The following SLC2A9 variants were observed in gnomAD, a reference collection of about 807,000 sequenced individuals.
SLC2A9 encodes solute carrier family 2, facilitated glucose transporter member 9.
In SLC2A9, 39 loss-of-function variants were observed where a neutral mutation model predicts 50.6. The ratio of observed to expected loss-of-function variants is 0.77; its 90% CI spans 0.60 to 1.01. SLC2A9 has a LOEUF of 1.01. Among genes scored for constraint, SLC2A9 ranks in the 50% least tolerant of loss-of-function variants. SLC2A9 has a pLI of 0.00. For missense variants in SLC2A9, 686 were observed against 677.6 expected, an observed-to-expected ratio of 1.01 and a Z score of -0.14; for synonymous variants, 324 against 276.9, an observed-to-expected ratio of 1.17 and a Z score of -1.69.
intron 6 of SLC2A9, among the ~76,000 whole-genome samples, chr4:9,921,380 G>A (rs734553): frequency 6.6e-6 from 1 of 151,946 alleles, no homozygotes. Context: ...ATTAGATCCC[G>A]GAAAGCACAA....
In SLC2A9 at chr4:9,786,110, C is replaced by T. The variant is rs181178156; in HGVS notation, n.386-6045G>A. Among the ~76,000 whole-genome samples, 18 of 152,288 alleles carry T rather than the reference C, an allele frequency of 1.2e-4. No homozygotes were observed. In the East Asian group the frequency reaches 2.5e-3, roughly 21 times the overall value. On this transcript the variant is annotated intron_variant and non_coding_transcript_variant, in intron 3 of 3. Transcript: ENST00000503803. ...TGGCTGGAGGGCTATAAAAGAAGAGCGTCATAGGATTAATGTTAATTGCTG... is the reference window on the plus strand; with the variant it reads ...TGGCTGGAGGGCTATAAAAGAAGAGTGTCATAGGATTAATGTTAATTGCTG...
chr4:9,820,094 T>C (rs1038188764), intron 3 of SLC2A9, among the ~76,000 whole-genome samples: 4 of 152,292 alleles, frequency 2.6e-5, no homozygotes, highest in Admixed American at 6.5e-5. Context: ...TAAGTTTTTT[T>C]CTAAACTTTT....
chr4:9,906,492 T>C (rs1740686360), intron 8 of SLC2A9, among the ~76,000 whole-genome samples: 1 of 152,228 alleles, frequency 6.6e-6, no homozygotes, highest in Non-Finnish European at 1.5e-5. Flanking sequence ...CATAAGATTA[T>C]GTGAACAAAA....
chr4:9,997,044 C>T, intron 2 of SLC2A9, 103 bp from the exon 3 acceptor site: 1 of 1,335,120 alleles, frequency 7.5e-7, no homozygotes, highest in Admixed American at 1.7e-5. Context: ...CATTTTCATG[C>T]ATAGCACTTT....
At chr4:9,794,164 G>A (rs200496396), downstream of SLC2A9, among the ~76,000 whole-genome samples, 62 of 137,208 alleles carry the variant, frequency 4.5e-4, no homozygotes, top group East Asian at 2.0e-4. Flanking sequence ...TTTTGTGTGT[G>A]TGATATGGAG....
chr4:9,811,149 A>C (rs565823332), intron 3 of SLC2A9, among the ~76,000 whole-genome samples: 1 of 152,220 alleles, frequency 6.6e-6, no homozygotes, highest in Non-Finnish European at 1.5e-5. Context: ...AGGGATACAC[A>C]AATGACCTGA....
chr4:9,879,087 T>C, intron 10 of SLC2A9: 7 of 981,274 alleles, frequency 7.1e-6, no homozygotes, highest in Non-Finnish European at 6.0e-6. Flanking sequence ...ATACAGGTGA[T>C]AGAAACAAGG....
chr4:9,787,700 C>T (rs558363454), intron 3 of SLC2A9, among the ~76,000 whole-genome samples: 63 of 152,330 alleles, frequency 4.1e-4, no homozygotes, highest in African/African-American at 1.2e-3. Flanking sequence ...TTTCATGACA[C>T]GGACCTTTGT....
intron 3 of SLC2A9, among the ~76,000 whole-genome samples, chr4:9,812,431 T>A (rs113879685): frequency 4.1e-4 from 62 of 152,226 alleles, no homozygotes; most frequent in African/African-American, 1.4e-3. Flanking sequence ...TCCTGCAGTC[T>A]TGTTGTGAAA....
chr4:9,778,121 C>T (rs143324234), downstream of SLC2A9, among the ~76,000 whole-genome samples: 291 of 147,534 alleles, frequency 2.0e-3, no homozygotes, highest in African/African-American at 6.8e-3. Flanking sequence ...TCCTTCTCCC[C>T]GCCTCCCCCG....
At chr4:10,008,300 G>A (rs779737798) in intron 2 of SLC2A9, among the ~76,000 whole-genome samples, 2 of 152,242 alleles carry the variant, frequency 1.3e-5, no homozygotes, top group Non-Finnish European at 2.9e-5. Flanking sequence ...TGCGGGGGGA[G>A]TTGGCACTCA....
chr4:9,864,242 C>T (rs1272940565), intron 10 of SLC2A9, among the ~76,000 whole-genome samples: 1 of 152,086 alleles, frequency 6.6e-6, no homozygotes, highest in African/African-American at 2.4e-5. Flanking sequence ...ACCCCTGGCA[C>T]ATCCAGTGTG....
chr4:10,004,994 C>G (rs1333711867), intron 2 of SLC2A9, among the ~76,000 whole-genome samples: 1 of 152,178 alleles, frequency 6.6e-6, no homozygotes, highest in Non-Finnish European at 1.5e-5. Flanking sequence ...CAGCCAACAG[C>G]CACGAGGCAC....
chr4:9,945,312 AG>A (rs1165484148), intron 5 of SLC2A9, among the ~76,000 whole-genome samples: 1 of 152,186 alleles, frequency 6.6e-6, no homozygotes, highest in Non-Finnish European at 1.5e-5. Context: ...ACGTATTCCT[AG>A]GGAGGATTTC....
chr4:9,913,381 G>A (rs1742246320), intron 7 of SLC2A9, among the ~76,000 whole-genome samples: 1 of 151,926 alleles, frequency 6.6e-6, no homozygotes, highest in Admixed American at 6.6e-5. Context: ...AACAGATAGA[G>A]AGAGATAAAG....
At chr4:9,832,837 C>T (rs1227988224) in intron 11 of SLC2A9, among the ~76,000 whole-genome samples, 2 of 152,120 alleles carry the variant, frequency 1.3e-5, no homozygotes, top group Non-Finnish European at 2.9e-5. Context: ...ACACAGCAAG[C>T]ATTCAGTGAA....
chr4:9,960,010 C>A (rs1261760667), intron 5 of SLC2A9, among the ~76,000 whole-genome samples: 1 of 152,206 alleles, frequency 6.6e-6, no homozygotes, highest in African/African-American at 2.4e-5. Flanking sequence ...GGAACCAGGG[C>A]TAACTGGGTT....
chr4:9,897,042 T>C (rs1009182490), intron 8 of SLC2A9, among the ~76,000 whole-genome samples: 14 of 152,220 alleles, frequency 9.2e-5, no homozygotes, highest in Non-Finnish European at 1.9e-4. Context: ...GGGTAGGTGC[T>C]GTTATCATCC....
intron 10 of SLC2A9, among the ~76,000 whole-genome samples, chr4:9,847,217 T>C (rs1161128403): frequency 1.3e-5 from 2 of 152,238 alleles, no homozygotes; most frequent in Non-Finnish European, 2.9e-5. Flanking sequence ...CTTACAGTTC[T>C]GCACGGCTGG....
Sources: allele counts gnomAD v4.1 joint callset (sites outside exome capture counted in the v4.1 genomes callset), GRCh38; gene constraint gnomAD v4.1.1; transcripts MANE v1.5; gene names NCBI Gene and HGNC (gene_info 2026-07-23, HGNC 2026-07-21).